The following STAG1 variants were observed in gnomAD, a reference collection of about 807,000 sequenced individuals.
STAG1 encodes the protein STAG1 cohesin complex component, also known as cohesin subunit SA-1.
A neutral mutation model predicts 170.9 loss-of-function variants in STAG1; 26 were observed. The ratio of observed to expected loss-of-function variants is 0.15; its 90% CI spans 0.11 to 0.21. The LOEUF is 0.21. STAG1 is among the 10% of genes least tolerant of loss of function. STAG1 has a pLI of 1.00. For missense variants in STAG1, 964 were observed against 1,509.5 expected (o/e 0.64, Z 5.99); for synonymous variants, 514 against 497.7 (o/e 1.03, Z -0.44).
At chr3:136,704,514 TA>T (rs1943170620) in intron 1 of STAG1, among the ~76,000 whole-genome samples, 1 of 152,010 alleles carries the variant, frequency 6.6e-6, no homozygotes, top group Non-Finnish European at 1.5e-5. Flanking sequence ...AAGCAGATTA[TA>T]AATCAAAAGT....
At chr3:136,442,972 G>A (rs1303215395) in intron 15 of STAG1, among the ~76,000 whole-genome samples, 1 of 152,174 alleles carries the variant, frequency 6.6e-6, no homozygotes, top group Non-Finnish European at 1.5e-5. Context: ...CTGGGCCGCT[G>A]CACTCCAGCC....
At chr3:136,657,736 T>G (rs1941438262) in intron 1 of STAG1, among the ~76,000 whole-genome samples, 1 of 152,224 alleles carries the variant, frequency 6.6e-6, no homozygotes, top group Admixed American at 6.5e-5. Flanking sequence ...GTGGGAGGAC[T>G]ACTTGAGCCT....
At chr3:136,353,961 C>A (rs1451799961) in intron 28 of STAG1, among the ~76,000 whole-genome samples, 1 of 151,918 alleles carries the variant, frequency 6.6e-6, no homozygotes, top group Non-Finnish European at 1.5e-5. Flanking sequence ...TGACAATAAA[C>A]ACAAAAAAGT....
chr3:136,458,820 G>A (rs1436355813), intron 13 of STAG1, among the ~76,000 whole-genome samples: 1 of 152,204 alleles, frequency 6.6e-6, no homozygotes. Context: ...GACTGAAAGT[G>A]AAGGTATGGA....
At chr3:136,583,586 C>T (rs1351072388) in intron 4 of STAG1, among the ~76,000 whole-genome samples, 2 of 152,030 alleles carry the variant, frequency 1.3e-5, no homozygotes, top group African/African-American at 2.4e-5. Flanking sequence ...GTCAGGAGTT[C>T]GACACCAGCC....
At chr3:136,438,240 C>CTTTT (rs371190637) in intron 15 of STAG1, among the ~76,000 whole-genome samples, 4 of 128,206 alleles carry the variant, frequency 3.1e-5, no homozygotes, top group African/African-American at 8.4e-5. Flanking sequence ...AGTTTCTTTT[C>CTTTT]TTTTTTTTTT....
At chr3:136,545,740 A>G (rs1397526243) in intron 5 of STAG1, among the ~76,000 whole-genome samples, 1 of 152,160 alleles carries the variant, frequency 6.6e-6, no homozygotes, top group Non-Finnish European at 1.5e-5. Context: ...ACAAATTATG[A>G]ATAAAGATAC....
chr3:136,448,999 A>C (rs1340767712), intron 14 of STAG1, among the ~76,000 whole-genome samples: 1 of 152,146 alleles, frequency 6.6e-6, no homozygotes, highest in Non-Finnish European at 1.5e-5. Flanking sequence ...TCTATTACAA[A>C]ATTTTACCAA....
At chr3:136,623,383 A>C in intron 2 of STAG1, 135 bp from the exon 3 acceptor site, 1 of 632,186 alleles carries the variant, frequency 1.6e-6, no homozygotes, top group Non-Finnish European at 2.6e-6. Flanking sequence ...ACTCTCTAGC[A>C]AACTAAAAAT....
chr3:136,385,317 A>G (rs1252704092), intron 22 of STAG1, among the ~76,000 whole-genome samples: 6 of 151,914 alleles, frequency 3.9e-5, no homozygotes, highest in Admixed American at 2.6e-4. Context: ...ACATGCACCT[A>G]TAGTCCCAGC....
chr3:136,528,982 C>A (rs563517936), intron 6 of STAG1, among the ~76,000 whole-genome samples: 60 of 151,544 alleles, frequency 4.0e-4, no homozygotes, highest in African/African-American at 1.3e-3. Context: ...AACCAAAAAA[C>A]CCCCACAAAT....
chr3:136,413,902 C>T (rs186480575), intron 21 of STAG1, among the ~76,000 whole-genome samples: 8 of 152,244 alleles, frequency 5.3e-5, no homozygotes, highest in Admixed American at 3.9e-4. Context: ...CACAAAAAAG[C>T]AAATATTGTA....
chr3:136,629,431 T>C (rs1461391420), intron 2 of STAG1, among the ~76,000 whole-genome samples: 3 of 152,028 alleles, frequency 2.0e-5, no homozygotes, highest in Admixed American at 1.3e-4. Context: ...GAAAATACTA[T>C]AAGGGGCCCT....
chr3:136,377,575 A>AC, intron 23 of STAG1, 85 bp downstream of exon 23: 1 of 1,076,634 alleles, frequency 9.3e-7, no homozygotes, highest in Non-Finnish European at 1.4e-6. Context: ...GTGTACAAAA[A>AC]CTGCCATAAA....
intron 25 of STAG1, among the ~76,000 whole-genome samples, chr3:136,366,363 T>C (rs983754902): frequency 1.3e-5 from 2 of 152,156 alleles, no homozygotes; most frequent in Admixed American, 6.6e-5. Flanking sequence ...CATTATATTA[T>C]GTTTAGATGT....
At chr3:136,496,413 C>T (rs1302402022) in intron 9 of STAG1, among the ~76,000 whole-genome samples, 4 of 152,128 alleles carry the variant, frequency 2.6e-5, no homozygotes, top group Non-Finnish European at 5.9e-5. Flanking sequence ...TCATACAAAT[C>T]TCAATAAATT....
intron 1 of STAG1, among the ~76,000 whole-genome samples, chr3:136,646,874 T>C (rs1177937218): frequency 6.6e-6 from 1 of 151,956 alleles, no homozygotes; most frequent in Non-Finnish European, 1.5e-5. Context: ...ATCACGCCAC[T>C]GCACTCCAGC....
intron 13 of STAG1, among the ~76,000 whole-genome samples, chr3:136,457,282 G>A (rs1042990474): frequency 4.6e-5 from 7 of 152,104 alleles, no homozygotes; most frequent in East Asian, 1.9e-4. Context: ...TGGAATGTGC[G>A]CAGACTTGTT....
At position 136,619,089 on chromosome 3, in the gene STAG1, T is replaced by C. The variant is rs1032104365; in HGVS notation, c.132+4057A>G. Among the ~76,000 whole-genome samples, 6 of 151,866 alleles carry C rather than the reference T, an allele frequency of 4.0e-5. No individual in the cohort carries two copies. The South Asian group carries it at 1.2e-3, about 32-fold the overall frequency. On this transcript the variant is annotated intron_variant, in intron 3 of 33. Transcript: ENST00000383202. ...GAGTGGGAATATGATAAAGCAAATG[T>C]AGTAAAATGCTAACATTAGGACAAT...
Sources: gnomAD v4.1 joint callset for allele counts (sites outside exome capture counted in the v4.1 genomes callset) on GRCh38, gnomAD v4.1.1 for gene constraint, MANE v1.5 for transcripts, NCBI Gene and HGNC (gene_info 2026-07-23, HGNC 2026-07-21) for gene names.